RBM33: variants seen among roughly 807,000 people sequenced by gnomAD.
RBM33 encodes RNA-binding protein 33.
RBM33 carries 28 observed loss-of-function variants against 132.6 expected under a neutral mutation model. The observed-to-expected ratio is 0.21, with a 90% CI of 0.16 to 0.29. The LOEUF (loss-of-function observed/expected upper bound fraction) is 0.29, where lower values mean the gene tolerates loss of function less well. Among genes scored for constraint, RBM33 ranks in the 10% least tolerant of loss-of-function variants. The probability of loss-of-function intolerance (pLI) is 1.00; values close to 1 mark genes in which losing one functional copy is unlikely to be tolerated. For synonymous variants in RBM33, 634 were observed against 593.0 expected (o/e 1.07, Z -1.01); for missense variants, 1,291 against 1,518.5 (o/e 0.85, Z 2.49).
Position 155,680,573 on chromosome 7 carries a change from A to G in RBM33, c.249-17A>G, listed in dbSNP as rs749333970. On this transcript the variant is annotated splice_polypyrimidine_tract_variant and intron_variant, in intron 4 of 17. Transcript: ENST00000401878. ...TCTTCATTGGGTGCTTTTTTTTTTTATTTTCGTCCTCTCTAGTTCTCAGGG... is the reference window on the plus strand; with the variant it reads ...TCTTCATTGGGTGCTTTTTTTTTTTGTTTTCGTCCTCTCTAGTTCTCAGGG... 13 of 1,460,928 alleles carry G rather than the reference A, an allele frequency of 8.9e-6. No homozygotes were observed. Among genetic ancestry groups the G allele is most frequent in the South Asian group, 5.7e-5 (4 of 70,704 alleles). The allele number at this position is 1,460,928 out of a possible 1,614,324, so 90.5% of individuals were successfully genotyped here.
At chr7:155,772,891 C>T (rs547510248) in intron 16 of RBM33, among the ~76,000 whole-genome samples, 34 of 152,218 alleles carry the variant, frequency 2.2e-4, no homozygotes, top group African/African-American at 4.6e-4. Flanking sequence ...ACACCTTTTT[C>T]GGGAGTGTTT....
At chr7:155,756,183 A>C (rs537081658) in intron 14 of RBM33, among the ~76,000 whole-genome samples, 2 of 152,344 alleles carry the variant, frequency 1.3e-5, no homozygotes, top group South Asian at 4.2e-4. Flanking sequence ...GTGGATGTTA[A>C]GATAACAGCC....
At chr7:155,673,768 G>GCGCGCACGCGCACA (rs1554469952) in intron 3 of RBM33, among the ~76,000 whole-genome samples, 1 of 132,962 alleles carries the variant, frequency 7.5e-6, no homozygotes, top group African/African-American at 3.2e-5. Flanking sequence ...GCGCATGCGC[G>GCGCGCACGCGCACA]CACACACACA....
In RBM33 at chr7:155,658,689, G is replaced by A. The variant is rs781522863; in HGVS notation, c.44-6486G>A. On this transcript the variant is annotated intron_variant, in intron 1 of 17. Transcript: ENST00000401878. ...GCTGGGATTATAGGCGTGAGCCACC[G>A]CGCCCGGCTGCTTGTTTGTTTTTAA... Among the ~76,000 whole-genome samples, 9 of 152,154 alleles carry A rather than the reference G, an allele frequency of 5.9e-5. No homozygotes were observed. In the South Asian group the frequency reaches 1.2e-3, roughly 21 times the overall value.
rs1367874488 is a variant in RBM33, at chr7:155,774,989, A to G, written c.3465-4A>G. ...GTGTCGATCGTTTCTTTAAATTTTC[A>G]CAGGCATATGATAGATTTGTCCCAC... On this transcript the variant is annotated splice_region_variant and splice_polypyrimidine_tract_variant and intron_variant, in intron 17 of 17. Transcript: ENST00000401878. The surrounding 1 kb of genome is among the most constrained non-coding windows in gnomAD (Gnocchi z 4.2). 22 of 1,613,508 alleles carry G rather than the reference A, an allele frequency of 1.4e-5. No homozygotes were observed. The highest frequency in any genetic ancestry group is 1.9e-5 in the Non-Finnish European group (22 of 1,179,672).
chr7:155,747,813 G>C (rs1055261510), intron 14 of RBM33, among the ~76,000 whole-genome samples: 2 of 152,212 alleles, frequency 1.3e-5, no homozygotes, highest in Admixed American at 6.5e-5. Flanking sequence ...TGTCTTGTTC[G>C]TATTTCTCTG....
At chr7:155,664,768 T>C (rs189414783) in intron 1 of RBM33, among the ~76,000 whole-genome samples, 1 of 152,354 alleles carries the variant, frequency 6.6e-6, no homozygotes, top group East Asian at 1.9e-4. Context: ...AATGGAATCT[T>C]AGCTTTCCAT....
chr7:155,662,529 C>T (rs1447019152), intron 1 of RBM33, among the ~76,000 whole-genome samples: 1 of 151,820 alleles, frequency 6.6e-6, no homozygotes, highest in African/African-American at 2.4e-5. Context: ...GCCCCCCCCG[C>T]TCTGAGCCAC....
At chr7:155,691,260 C>T (rs1434049861) in intron 5 of RBM33, among the ~76,000 whole-genome samples, 9 of 152,300 alleles carry the variant, frequency 5.9e-5, no homozygotes, top group South Asian at 2.1e-4. Context: ...TTGATCGAAT[C>T]GGCTACTGAA....
At chr7:155,662,388 T>C (rs1798676460) in intron 1 of RBM33, among the ~76,000 whole-genome samples, 1 of 152,166 alleles carries the variant, frequency 6.6e-6, no homozygotes, top group African/African-American at 2.4e-5. Flanking sequence ...CAGCTGCTTT[T>C]ACCACTCTCT....
rs6973997 is a variant in RBM33 at position 155,654,845 on chromosome 7, A to T, written c.43+9926A>T. 8.4e-3 allele frequency among the ~76,000 whole-genome samples: 1,282 copies of T among 152,278 alleles called. 26 individuals carry two copies. Among genetic ancestry groups the T allele is most frequent in the African/African-American group, 0.029 (1,209 of 41,560 alleles). The stretch of plus-strand genomic sequence containing the variant: ...TTTTATATATTGTCCTCTTTTAATA[A>T]TTTTATTTGTCCTCACATTATATGT... On this transcript the variant is annotated intron_variant, in intron 1 of 17. Transcript: ENST00000401878.
At chr7:155,675,877 C>G (rs1799171179) in intron 3 of RBM33, among the ~76,000 whole-genome samples, 1 of 152,190 alleles carries the variant, frequency 6.6e-6, no homozygotes, top group Admixed American at 6.5e-5. Context: ...CTCAATTTTC[C>G]ATTCCCTGTT....
intron 16 of RBM33, among the ~76,000 whole-genome samples, chr7:155,773,445 A>G (rs953313480): frequency 6.6e-6 from 1 of 151,800 alleles, no homozygotes; most frequent in Non-Finnish European, 1.5e-5. Flanking sequence ...ATGGGTGCCT[A>G]TAATCCCAGC....
Position 155,745,912 on chromosome 7 carries a change from T to A in RBM33, c.2979+310T>A, listed in dbSNP as rs1801501908. On this transcript the variant is annotated intron_variant, in intron 14 of 17. Transcript: ENST00000401878. This position sits in a 1 kb window ranked among gnomAD's most constrained non-coding sequence, Gnocchi z 4.1. ...CTGTTGCTCCCTGGCCACAAGCCTG[T>A]GCAGCATGTTACTGTGCTGAATACT... 6.6e-6 allele frequency among the ~76,000 whole-genome samples: 1 copy of A among 152,224 alleles called. No individual in the cohort carries two copies. Among genetic ancestry groups the A allele is most frequent in the Admixed American group, 6.5e-5 (1 of 15,288 alleles).
At chr7:155,737,448 G>T in intron 9 of RBM33, 82 bp from the exon 10 acceptor site, 2 of 1,418,776 alleles carry the variant, frequency 1.4e-6, no homozygotes, top group South Asian at 1.6e-5. Context: ...GGAAAACTTG[G>T]AACCAGGTCT....
At chr7:155,733,494 TAGCTTCCTCACTGTGTG>T (rs1801018980) in intron 9 of RBM33, among the ~76,000 whole-genome samples, 1 of 152,214 alleles carries the variant, frequency 6.6e-6, no homozygotes, top group African/African-American at 2.4e-5. Flanking sequence ...TCATAAGTTT[TAGCTTCCTCACTGTGTG>T]TTGATGAGTT....
intron 1 of RBM33, 45 bp from the exon 2 acceptor site, chr7:155,665,130 C>T (rs1402080547): frequency 6.6e-7 from 1 of 1,517,790 alleles, no homozygotes; most frequent in Admixed American, 1.7e-5. Flanking sequence ...TGCATTGTGT[C>T]TATTTTAACT....
chr7:155,675,472 T>C lies in RBM33; in HGVS notation c.171+2557T>C, dbSNP rs529695369. ...GTGTCCCTAGTCACTCCTGTGTACA[T>C]TGAGGTTGTTTCCAGCTCATTGCTT... On this transcript the variant is annotated intron_variant, in intron 3 of 17. Transcript: ENST00000401878. 4.6e-5 allele frequency among the ~76,000 whole-genome samples: 7 copies of C among 152,296 alleles called. No homozygotes were observed. In the South Asian group the frequency reaches 8.3e-4, roughly 18 times the overall value.
In RBM33 at chr7:155,774,881, G is replaced by T; in HGVS notation, c.3465-112G>T. On this transcript the variant is annotated intron_variant, in intron 17 of 17. Coordinates refer to ENST00000401878, the MANE Select transcript of RBM33 (RefSeq NM_053043.3). The surrounding 1 kb of genome is among the most constrained non-coding windows in gnomAD (Gnocchi z 4.2). ...TCCCGGGGAATCTGCCTTTTTATAT[G>T]ATGCGTTTTTATTAAACAGGACCCA... 1.1e-6 allele frequency: 1 copy of T among 950,502 alleles called. No individual in the cohort carries two copies. Among genetic ancestry groups the T allele is most frequent in the South Asian group, 1.5e-5 (1 of 68,594 alleles). The allele number at this position is 950,502 out of a possible 1,614,324, so 58.9% of individuals were successfully genotyped here.
Sources: gnomAD v4.1 joint callset for allele counts (sites outside exome capture counted in the v4.1 genomes callset) on GRCh38, gnomAD v4.1.1 for gene constraint, Gnocchi (gnomAD v3.1) non-coding constraint, MANE v1.5 for transcripts, NCBI Gene and HGNC (gene_info 2026-07-23, HGNC 2026-07-21) for gene names.